OXCT1: variants seen among roughly 807,000 people sequenced by gnomAD.
OXCT1 encodes 3-oxoacid CoA-transferase 1, also known as succinyl-CoA:3-ketoacid coenzyme A transferase 1, mitochondrial.
A neutral mutation model predicts 69.6 loss-of-function variants in OXCT1; 27 were observed. That is an observed-to-expected ratio of 0.39 (90% confidence interval 0.29 to 0.54). The LOEUF (loss-of-function observed/expected upper bound fraction) is 0.54. Among genes scored for constraint, OXCT1 ranks in the 20% least tolerant of loss-of-function variants. OXCT1 has a pLI of 0.72. For synonymous variants in OXCT1, 202 were observed against 217.8 expected (o/e 0.93, Z 0.64); for missense variants, 437 against 650.2 (o/e 0.67, Z 3.57).
At chr5:41,787,582 A>G (rs1453277237) in intron 13 of OXCT1, among the ~76,000 whole-genome samples, 1 of 141,572 alleles carries the variant, frequency 7.1e-6, no homozygotes, top group African/African-American at 2.5e-5. Context: ...ATGTGCATAT[A>G]TGAGAAGAAA....
At chr5:41,735,249 A>T (rs1451807817) in intron 16 of OXCT1, among the ~76,000 whole-genome samples, 1 of 152,214 alleles carries the variant, frequency 6.6e-6, no homozygotes, top group Non-Finnish European at 1.5e-5. Context: ...TGCACAATGA[A>T]ATATTATACA....
intron 7 of OXCT1, among the ~76,000 whole-genome samples, chr5:41,817,877 C>G (rs1747325715): frequency 6.6e-6 from 1 of 152,194 alleles, no homozygotes. Context: ...AGTTACAGAA[C>G]AGCTGGTGGC....
intron 14 of OXCT1, 119 bp from the exon 15 acceptor site, chr5:41,749,726 T>C (rs1488710328): frequency 5.7e-6 from 4 of 707,286 alleles, no homozygotes; most frequent in African/African-American, 5.4e-5. Flanking sequence ...AAAGACTCTT[T>C]CAGAATTTTT....
intron 13 of OXCT1, among the ~76,000 whole-genome samples, chr5:41,783,088 A>C (rs542471586): frequency 4.6e-5 from 7 of 152,364 alleles, no homozygotes; most frequent in Non-Finnish European, 7.3e-5. Flanking sequence ...CGAAATGTTT[A>C]TGGATAGAAT....
At chr5:41,847,074 G>A (rs547653212) in intron 5 of OXCT1, among the ~76,000 whole-genome samples, 16 of 151,836 alleles carry the variant, frequency 1.1e-4, no homozygotes, top group African/African-American at 1.9e-4. Flanking sequence ...TCAAATAGAC[G>A]CAATAAAAAA....
In OXCT1 at chr5:41,739,546, T is replaced by A. The variant is rs768163396; in HGVS notation, c.1420-55A>T. 3.8e-6 allele frequency: 5 copies of A among 1,303,914 alleles called. No individual in the cohort carries two copies. The Admixed American group carries it at 8.4e-5, about 22-fold the overall frequency. 80.8% of individuals were successfully genotyped at this position (1,303,914 alleles called of 1,614,324 possible). A position where few individuals can be genotyped will look rare whatever the true frequency, so the allele number is the denominator to read the frequency against. ...ACAATTTCCATCAAAATAATTATTATATGGCACAAAACAGAAATAACCTCG... is the reference window on the plus strand; with the variant it reads ...ACAATTTCCATCAAAATAATTATTAAATGGCACAAAACAGAAATAACCTCG... On this transcript the variant is annotated intron_variant, in intron 15 of 16. Coordinates refer to ENST00000196371, the MANE Select transcript of OXCT1 (RefSeq NM_000436.4).
chr5:41,731,852 C>A, intron 16 of OXCT1, 82 bp from the exon 17 acceptor site: 2 of 1,497,616 alleles, frequency 1.3e-6, no homozygotes, highest in African/African-American at 1.4e-5. Context: ...AAATTTCAAT[C>A]ATGTAGGCAA....
chr5:41,790,042 G>A (rs1445965348), intron 13 of OXCT1, among the ~76,000 whole-genome samples: 4 of 152,124 alleles, frequency 2.6e-5, no homozygotes, highest in African/African-American at 9.7e-5. Flanking sequence ...TGAAAAATGT[G>A]AGGGAGAAAA....
chr5:41,849,911 A>G, intron 5 of OXCT1, 119 bp downstream of exon 5: 1 of 1,036,102 alleles, frequency 9.7e-7, no homozygotes, highest in Non-Finnish European at 1.5e-6. Context: ...TATTTATGAA[A>G]ATGAATGAGT....
At chr5:41,796,048 T>C (rs1746165821) in intron 11 of OXCT1, among the ~76,000 whole-genome samples, 1 of 152,114 alleles carries the variant, frequency 6.6e-6, no homozygotes, top group Non-Finnish European at 1.5e-5. Flanking sequence ...ACCACAGGAT[T>C]TTCATAAAAT....
intron 14 of OXCT1, among the ~76,000 whole-genome samples, chr5:41,757,244 C>T (rs1414057455): frequency 2.6e-5 from 4 of 152,066 alleles, no homozygotes; most frequent in African/African-American, 9.7e-5. Context: ...TTATAAATCT[C>T]TTAACATGCA....
intron 7 of OXCT1, among the ~76,000 whole-genome samples, chr5:41,819,137 A>G (rs1747401922): frequency 6.6e-6 from 1 of 152,210 alleles, no homozygotes; most frequent in African/African-American, 2.4e-5. Flanking sequence ...TTCTTAACAC[A>G]AACATGAAAT....
At chr5:41,859,567 G>A (rs1166602962) in intron 3 of OXCT1, among the ~76,000 whole-genome samples, 1 of 152,042 alleles carries the variant, frequency 6.6e-6, no homozygotes, top group Non-Finnish European at 1.5e-5. Flanking sequence ...AGTTACATGA[G>A]ACAAATGAAA....
At chr5:41,731,908 T>G in intron 16 of OXCT1, 138 bp from the exon 17 acceptor site, 1 of 1,101,476 alleles carries the variant, frequency 9.1e-7, no homozygotes, top group Non-Finnish European at 1.3e-6. Flanking sequence ...CATATGATTT[T>G]CCATCCTGAA....
chr5:41,828,625 C>T (rs560488756), intron 7 of OXCT1, among the ~76,000 whole-genome samples: 1 of 152,314 alleles, frequency 6.6e-6, no homozygotes, highest in East Asian at 1.9e-4. Context: ...ACAAGATCTT[C>T]CCTTCATAGA....
Position 41,749,621 on chromosome 5 carries a change from A to T in OXCT1, c.1339-14T>A. Reference sequence around the variant, plus strand: ...ATGTGCATTTCCCTGTTTTAAAAAGAAAACATCAAAAAGAGTAGTTAGGGA... The same window carrying T: ...ATGTGCATTTCCCTGTTTTAAAAAGTAAACATCAAAAAGAGTAGTTAGGGA... On this transcript the variant is annotated splice_polypyrimidine_tract_variant and intron_variant, in intron 14 of 16. Transcript: ENST00000196371. The T allele has an allele frequency of 6.4e-7, 1 of 1,551,000 alleles. No homozygotes were observed. The highest frequency in any genetic ancestry group is 8.9e-7 in the Non-Finnish European group (1 of 1,124,492).
rs141190435 is a variant in OXCT1 at position 41,760,867 on chromosome 5, GT to G, written c.1338+1243del. ...TTTATGATAACACATATTTATAGCT[GT>G]TTTCACAACAAAATCATTTTGTGGC... On this transcript the variant is annotated intron_variant, in intron 14 of 16. Transcript: ENST00000196371. Among the ~76,000 whole-genome samples the G allele has an allele frequency of 2.9e-3, 442 of 152,168 alleles. 2 individuals are homozygous for G. The highest frequency in any genetic ancestry group is 0.01 in the African/African-American group (423 of 41,524).
chr5:41,783,862 A>C (rs986829720), intron 13 of OXCT1, among the ~76,000 whole-genome samples: 4 of 152,182 alleles, frequency 2.6e-5, no homozygotes, highest in African/African-American at 9.7e-5. Flanking sequence ...ATATCATATG[A>C]AGCACAGCAA....
intron 7 of OXCT1, among the ~76,000 whole-genome samples, chr5:41,834,667 G>T (rs557345741): frequency 6.6e-6 from 1 of 151,916 alleles, no homozygotes; most frequent in Non-Finnish European, 1.5e-5. Flanking sequence ...TGGGGCAGCC[G>T]GATACATAGA....
Sources: gnomAD v4.1 joint callset for allele counts (sites outside exome capture counted in the v4.1 genomes callset) on GRCh38, gnomAD v4.1.1 for gene constraint, MANE v1.5 for transcripts, NCBI Gene and HGNC (gene_info 2026-07-23, HGNC 2026-07-21) for gene names.